Variants in PKD1L3 observed in about 807,000 individuals in gnomAD.
The protein encoded by PKD1L3 is polycystin 1 like 3, transient receptor potential channel interacting, also known as polycystin-1-like protein 3.
In PKD1L3, 239 loss-of-function variants were observed where a neutral mutation model predicts 184.1. The observed-to-expected ratio is 1.30, with a 90% CI of 1.17 to 1.45. The LOEUF (loss-of-function observed/expected upper bound fraction) is 1.45. PKD1L3 is among the 40% of genes most tolerant of loss of function. PKD1L3 has a pLI of 0.00. For missense variants in PKD1L3, 2,660 were observed against 2,067.2 expected (o/e 1.29, Z -5.56); for synonymous variants, 996 against 778.8 (o/e 1.28, Z -4.64).
At chr16:71,983,915 G>C (rs556950429) in intron 6 of PKD1L3, 121 bp downstream of exon 6, 1 of 1,322,788 alleles carries the variant, frequency 7.6e-7, no homozygotes, top group African/African-American at 1.5e-5. Context: ...CGCCCGCCTC[G>C]GCCTTCTAAA....
At chr16:71,954,035 G>T in intron 17 of PKD1L3, 70 bp downstream of exon 17, 1 of 1,313,326 alleles carries the variant, frequency 7.6e-7, no homozygotes, top group Non-Finnish European at 1.0e-6. Context: ...GGGTAACAGA[G>T]CAAGACCCTG....
At chr16:71,985,560 T>C (rs1454653077) in intron 5 of PKD1L3, among the ~76,000 whole-genome samples, 1 of 152,024 alleles carries the variant, frequency 6.6e-6, no homozygotes, top group East Asian at 1.9e-4. Flanking sequence ...CACCCCCAAG[T>C]AGCTGGGACT....
At chr16:71,959,860 G>T (rs1046023851) in intron 16 of PKD1L3, among the ~76,000 whole-genome samples, 3 of 152,198 alleles carry the variant, frequency 2.0e-5, no homozygotes, top group South Asian at 4.1e-4. Context: ...GCTCACACCT[G>T]TAATCCTAGC....
At chr16:71,969,023 C>G (rs1402077607) in intron 13 of PKD1L3, among the ~76,000 whole-genome samples, 1 of 152,022 alleles carries the variant, frequency 6.6e-6, no homozygotes, top group East Asian at 1.9e-4. Context: ...CTCTGTCTCC[C>G]GGGCTCAAGC....
intron 16 of PKD1L3, among the ~76,000 whole-genome samples, chr16:71,956,674 G>A (rs8054403): frequency 0.77 from 117,664 of 152,056 alleles, 45,764 homozygotes; most frequent in East Asian, 0.97. Context: ...AAGGGGGAGG[G>A]AACAGGAAGT....
In PKD1L3 at chr16:71,993,251, C is replaced by A; in HGVS notation, c.500G>T (p.Arg167Ile). 6.4e-7 allele frequency: 1 copy of A among 1,550,652 alleles called. No individual in the cohort carries two copies. Among genetic ancestry groups the A allele is most frequent in the Non-Finnish European group, 8.7e-7 (1 of 1,146,572 alleles). Residue 167 changes from arginine (R) to isoleucine (I), a missense_variant, in exon 3 of 30, where the codon AGA (arginine) becomes ATA (isoleucine). Physicochemically the swap from Arg to Ile is moderately conservative, Grantham distance 97. Transcript: ENST00000620267. The part of the protein sequence containing the change: ...HLYQRHKKTK[R>I]GVAIARDKMP... ...TTTGTCTCTTGCTATTGCAACTCCT[C>A]TTTTTGTCTTCTTGTGTCTCTGGTA...
intron 11 of PKD1L3, among the ~76,000 whole-genome samples, chr16:71,975,622 A>G (rs1178470550): frequency 1.3e-5 from 2 of 152,198 alleles, no homozygotes; most frequent in African/African-American, 4.8e-5. Flanking sequence ...GAAAATCTTC[A>G]ACCATACAAA....
intron 2 of PKD1L3, among the ~76,000 whole-genome samples, chr16:71,996,325 A>G (rs955134907): frequency 1.5e-5 from 2 of 133,898 alleles, no homozygotes; most frequent in Non-Finnish European, 3.0e-5. Context: ...GCAGTGGCGC[A>G]ATCTTGGCTG....
At chr16:71,965,082 A>AG (rs2039450669) in intron 15 of PKD1L3, among the ~76,000 whole-genome samples, 1 of 151,956 alleles carries the variant, frequency 6.6e-6, no homozygotes, top group Non-Finnish European at 1.5e-5. Flanking sequence ...TCCTGACCTC[A>AG]AGTGATCTAA....
intron 10 of PKD1L3, among the ~76,000 whole-genome samples, chr16:71,977,683 C>T (rs190994326): frequency 3.9e-5 from 6 of 151,984 alleles, no homozygotes; most frequent in Non-Finnish European, 8.8e-5. Flanking sequence ...ATGCATGAGC[C>T]ACTGTGCCCA....
intron 16 of PKD1L3, among the ~76,000 whole-genome samples, chr16:71,960,493 G>A (rs2039235081): frequency 6.6e-6 from 1 of 151,646 alleles, no homozygotes; most frequent in Non-Finnish European, 1.5e-5. Flanking sequence ...ATATAAAATG[G>A]AATTTAAGAT....
chr16:71,949,346 CTT>C (rs543483265), intron 21 of PKD1L3, among the ~76,000 whole-genome samples: 23 of 122,718 alleles, frequency 1.9e-4, no homozygotes, highest in East Asian at 2.4e-4. Context: ...TGTCAGTTTG[CTT>C]TTTTTTTTTT....
chr16:71,974,144 C>T (rs1276810094), intron 11 of PKD1L3, among the ~76,000 whole-genome samples: 1 of 152,106 alleles, frequency 6.6e-6, no homozygotes, highest in Non-Finnish European at 1.5e-5. Context: ...AGGTAACAAA[C>T]CCCAGGGTGA....
chr16:71,990,375 C>A lies in PKD1L3; in HGVS notation c.536-46G>T, dbSNP rs1214960612. The A allele has an allele frequency of 2.1e-6, 3 of 1,447,258 alleles. No individual in the cohort carries two copies. In the East Asian group the frequency reaches 7.5e-5, roughly 36 times the overall value. 89.7% of individuals were successfully genotyped at this position (1,447,258 alleles called of 1,614,324 possible). The stretch of plus-strand genomic sequence containing the variant: ...ACTAAGTTCAAGTAAAAGCCTAAGA[C>A]AGAAATATTCGTTTTACTTGAGGAC... On this transcript the variant is annotated intron_variant, in intron 3 of 29. Coordinates refer to ENST00000620267, the MANE Select transcript of PKD1L3 (RefSeq NM_181536.2).
At chr16:71,963,152 CAATT>C in intron 16 of PKD1L3, 49 bp downstream of exon 16, 1 of 1,442,232 alleles carries the variant, frequency 6.9e-7, no homozygotes, top group Non-Finnish European at 9.3e-7. Flanking sequence ...GTGAACAATT[CAATT>C]AATAGTGAAC....
intron 5 of PKD1L3, 103 bp downstream of exon 5, chr16:71,986,114 GGTCT>G (rs1310387334): frequency 4.3e-6 from 6 of 1,386,894 alleles, no homozygotes; most frequent in Non-Finnish European, 3.9e-6. Flanking sequence ...CATATACGCT[GGTCT>G]GTCAGGCATT....
At chr16:71,950,643 C>T (rs986203050) in intron 19 of PKD1L3, among the ~76,000 whole-genome samples, 2 of 151,674 alleles carry the variant, frequency 1.3e-5, no homozygotes, top group Non-Finnish European at 2.9e-5. Flanking sequence ...CTCATCATCT[C>T]ATAAAAGAAA....
intron 22 of PKD1L3, among the ~76,000 whole-genome samples, chr16:71,947,105 A>C (rs1047246780): frequency 2.0e-5 from 3 of 152,010 alleles, no homozygotes; most frequent in Non-Finnish European, 4.4e-5. Flanking sequence ...ATACTACAAA[A>C]AAATTAGCCA....
Position 71,954,198 on chromosome 16 carries a change from G to A in PKD1L3, c.2716C>T (p.Leu906=), listed in dbSNP as rs1366559597. Residue 906 remains leucine (L), a synonymous_variant, in exon 17 of 30, where the codon CTG becomes TTG. Transcript: ENST00000620267. ...AGTAGCAGTGTCATGCAGCAAGACA[G>A]CCGTTGGACCCTTGTAAACTGGTTC... ...PWNQFTRVQR[L]SCCMTLLLCN... 6.4e-7 allele frequency: 1 copy of A among 1,551,836 alleles called. No individual in the cohort carries two copies.
Sources: allele counts gnomAD v4.1 joint callset (sites outside exome capture counted in the v4.1 genomes callset), GRCh38; gene constraint gnomAD v4.1.1; transcripts MANE v1.5; gene names NCBI Gene and HGNC (gene_info 2026-07-23, HGNC 2026-07-21).